The following CENPK variants were observed in gnomAD, a reference collection of about 807,000 sequenced individuals.
The protein encoded by CENPK is centromere protein K.
In CENPK, 46 loss-of-function variants were observed where a neutral mutation model predicts 40.9. The ratio of observed to expected loss-of-function variants is 1.13; its 90% confidence interval spans 0.89 to 1.44. The LOEUF is 1.44. Among genes scored for constraint, CENPK ranks in the 40% most tolerant of loss-of-function variants. CENPK has a pLI of 0.00. For synonymous variants in CENPK, 107 were observed against 104.4 expected (o/e 1.02, Z -0.15); for missense variants, 288 against 303.5 (o/e 0.95, Z 0.38).
intron 2 of CENPK, among the ~76,000 whole-genome samples, chr5:65,557,465 G>A (rs143460179): frequency 3.3e-4 from 51 of 152,290 alleles, no homozygotes; most frequent in Non-Finnish European, 6.2e-4. Context: ...CTGGCTTTCT[G>A]TGTCTTGGAA....
intron 5 of CENPK, among the ~76,000 whole-genome samples, chr5:65,548,273 G>A (rs1000529670): frequency 1.3e-5 from 2 of 152,082 alleles, no homozygotes; most frequent in African/African-American, 4.8e-5. Context: ...ATTAAATTAT[G>A]TATTAGCATT....
chr5:65,518,451 T>C lies in CENPK; in HGVS notation c.*24A>G. ...ATCCTTGAATGATAAGAATTTTTACTGTGTGAAAAAAGAAAACATCCTTTT... is the reference window on the plus strand; with the variant it reads ...ATCCTTGAATGATAAGAATTTTTACCGTGTGAAAAAAGAAAACATCCTTTT... On this transcript the variant is annotated 3_prime_UTR_variant, in exon 11 of 11. Transcript: ENST00000396679. The C allele has an allele frequency of 6.3e-7, 1 of 1,594,872 alleles. No individual in the cohort carries two copies. Among genetic ancestry groups the C allele is most frequent in the Admixed American group, 1.8e-5 (1 of 54,226 alleles).
At chr5:65,532,817 G>A (rs1295916310) in intron 6 of CENPK, among the ~76,000 whole-genome samples, 3 of 133,700 alleles carry the variant, frequency 2.2e-5, no homozygotes, top group Admixed American at 1.8e-4. Context: ...GCTGAAGCAG[G>A]AGAATTGCTT....
chr5:65,522,725 C>A (rs1006996647), intron 9 of CENPK, among the ~76,000 whole-genome samples: 29 of 152,198 alleles, frequency 1.9e-4, no homozygotes. Context: ...CCACCATACC[C>A]CACCTCAATT....
At chr5:65,544,080 C>G (rs1046425641) in intron 5 of CENPK, among the ~76,000 whole-genome samples, 1 of 152,156 alleles carries the variant, frequency 6.6e-6, no homozygotes, top group Non-Finnish European at 1.5e-5. Context: ...TTCTAGAAAG[C>G]CTTCTAACAG....
chr5:65,530,304 GAAAAA>G (rs955406392), intron 6 of CENPK, among the ~76,000 whole-genome samples: 2 of 146,946 alleles, frequency 1.4e-5, no homozygotes, highest in Admixed American at 1.3e-4. Flanking sequence ...GTGTCATAAA[GAAAAA>G]AAAAATCAAA....
At position 65,526,786 on chromosome 5, in the gene CENPK, T is replaced by C. The variant is rs189250239; in HGVS notation, c.597+1666A>G. 1.1e-4 allele frequency among the ~76,000 whole-genome samples: 16 copies of C among 152,176 alleles called. No homozygotes were observed. In the East Asian group the frequency reaches 3.1e-3, roughly 29 times the overall value. ...CTAACCTGGGCAACATAGCAAGACC[T>C]CGTCTCTAAAAAACTCAATCAATAG... is the stretch of plus-strand genomic sequence containing the variant. On this transcript the variant is annotated intron_variant, in intron 9 of 10. Coordinates refer to ENST00000396679, the MANE Select transcript of CENPK (RefSeq NM_022145.5).
chr5:65,558,302 G>C (rs929529451), intron 2 of CENPK, among the ~76,000 whole-genome samples: 1 of 152,174 alleles, frequency 6.6e-6, no homozygotes, highest in East Asian at 1.9e-4. Context: ...AGAAGGAAAT[G>C]TTGCTAATAC....
intron 5 of CENPK, among the ~76,000 whole-genome samples, chr5:65,546,945 A>G (rs1315628736): frequency 1.3e-5 from 2 of 152,228 alleles, no homozygotes; most frequent in African/African-American, 4.8e-5. Context: ...ATAACACATA[A>G]AAACAGAAGA....
At chr5:65,508,676 C>T in the CENPK span, among the ~76,000 whole-genome samples, 3 of 150,336 alleles carry the variant, frequency 2.0e-5, no homozygotes, top group Non-Finnish European at 2.9e-5. Flanking sequence ...ATCCCAGCTA[C>T]TTGGGAGACT....
downstream of CENPK, among the ~76,000 whole-genome samples, chr5:65,516,590 G>A (rs1257754270): frequency 6.6e-6 from 1 of 152,108 alleles, no homozygotes; most frequent in African/African-American, 2.4e-5. Context: ...GTTACCCCAA[G>A]GCAGAGAGGA....
downstream of CENPK, among the ~76,000 whole-genome samples, chr5:65,517,384 T>C (rs1742942003): frequency 6.6e-6 from 1 of 152,136 alleles, no homozygotes; most frequent in African/African-American, 2.4e-5. Flanking sequence ...CTTCAAAGAG[T>C]AAAAAGTTGC....
intron 2 of CENPK, among the ~76,000 whole-genome samples, chr5:65,559,097 CCCT>C (rs1751475217): frequency 2.0e-5 from 3 of 152,044 alleles, no homozygotes. Context: ...ATCAGAATAC[CCCT>C]CCTCAATATC....
chr5:65,527,511 ATATATATATATATATATATATAT>A (rs1744923908), intron 9 of CENPK, among the ~76,000 whole-genome samples: 5 of 5,230 alleles, frequency 9.6e-4, no homozygotes, highest in Non-Finnish European at 1.2e-3. Context: ...ATATATATAT[ATATATATATATATATATATATAT>A]ATATATATAT....
the CENPK span, among the ~76,000 whole-genome samples, chr5:65,506,126 G>GT: frequency 6.6e-6 from 1 of 151,976 alleles, no homozygotes; most frequent in African/African-American, 2.4e-5. Flanking sequence ...GCCCACACCT[G>GT]TAATTCCAGT....
chr5:65,552,592 T>A (rs755514250), intron 3 of CENPK, 43 bp from the exon 4 acceptor site: 1 of 1,243,524 alleles, frequency 8.0e-7, no homozygotes, highest in Non-Finnish European at 1.1e-6. Context: ...ACACGATAAT[T>A]CACAGAAAAT....
At chr5:65,547,371 C>T (rs1396879682) in intron 5 of CENPK, among the ~76,000 whole-genome samples, 6 of 133,682 alleles carry the variant, frequency 4.5e-5, no homozygotes, top group Admixed American at 8.5e-5. Flanking sequence ...CCAGCCTGGG[C>T]GACAGAGTAA....
chr5:65,535,692 T>C lies in CENPK; in HGVS notation c.289-6493A>G, dbSNP rs566880021. 2.0e-5 allele frequency among the ~76,000 whole-genome samples: 3 copies of C among 152,298 alleles called. No individual in the cohort carries two copies. In the East Asian group the frequency reaches 5.8e-4, roughly 29 times the overall value. Reference sequence around the variant, plus strand: ...TCTTGTAAGCTTATCCCATGTGCCTTTTCCTTTGTTCATTGTAATGTTCTC... The same window carrying C: ...TCTTGTAAGCTTATCCCATGTGCCTCTTCCTTTGTTCATTGTAATGTTCTC... On this transcript the variant is annotated intron_variant, in intron 6 of 10. Coordinates refer to ENST00000396679, the MANE Select transcript of CENPK (RefSeq NM_022145.5).
At chr5:65,561,355 G>C in intron 2 of CENPK, 108 bp downstream of exon 2, 1 of 262,904 alleles carries the variant, frequency 3.8e-6, no homozygotes, top group Admixed American at 4.0e-5. Flanking sequence ...TGCACATGTG[G>C]TGGGGGCGGA....
Sources: allele counts gnomAD v4.1 joint callset (sites outside exome capture counted in the v4.1 genomes callset), GRCh38; gene constraint gnomAD v4.1.1; transcripts MANE v1.5; gene names NCBI Gene and HGNC (gene_info 2026-07-23, HGNC 2026-07-21).